The following CNTNAP2 variants were observed in gnomAD, a reference collection of about 807,000 sequenced individuals.
CNTNAP2 encodes the protein contactin associated protein 2.
In CNTNAP2, 98 loss-of-function variants were observed where a neutral mutation model predicts 155.2. The observed-to-expected ratio is 0.63, with a 90% confidence interval of 0.54 to 0.75. The LOEUF is 0.75. Ranked by LOEUF, CNTNAP2 falls within the 30% of genes least tolerant of loss-of-function variation. The pLI, the probability that CNTNAP2 is intolerant of heterozygous loss-of-function variation, is 0.00. For missense variants in CNTNAP2, 1,727 were observed against 1,688.1 expected (o/e 1.02, Z -0.40); for synonymous variants, 651 against 631.2 (o/e 1.03, Z -0.47).
chr7:146,457,250 C>T (rs1398990058), intron 1 of CNTNAP2, among the ~76,000 whole-genome samples: 1 of 151,496 alleles, frequency 6.6e-6, no homozygotes, highest in Non-Finnish European at 1.5e-5. Context: ...CTCAACACTT[C>T]TGTGATCTTT....
At chr7:148,245,411 G>A (rs1197468828) in intron 20 of CNTNAP2, among the ~76,000 whole-genome samples, 2 of 152,200 alleles carry the variant, frequency 1.3e-5, no homozygotes, top group African/African-American at 2.4e-5. Flanking sequence ...TCGCCTCCAG[G>A]AAATGTTAGA....
intron 9 of CNTNAP2, among the ~76,000 whole-genome samples, chr7:147,305,484 G>A (rs184833565): frequency 2.6e-5 from 4 of 152,242 alleles, no homozygotes; most frequent in African/African-American, 9.6e-5. Context: ...CAAAGAATAC[G>A]AACTTGCAGC....
At chr7:147,307,399 G>A (rs1263178286) in intron 9 of CNTNAP2, among the ~76,000 whole-genome samples, 4 of 151,600 alleles carry the variant, frequency 2.6e-5, no homozygotes, top group Non-Finnish European at 5.9e-5. Context: ...CCAATATGAT[G>A]AAACCCTATC....
chr7:147,628,425 C>A (rs1213217519), intron 12 of CNTNAP2, among the ~76,000 whole-genome samples: 3 of 152,044 alleles, frequency 2.0e-5, no homozygotes, highest in Non-Finnish European at 4.4e-5. Flanking sequence ...TTCAGACAAA[C>A]AAATGCTGAG....
intron 1 of CNTNAP2, among the ~76,000 whole-genome samples, chr7:146,545,804 T>C: frequency 6.6e-6 from 1 of 151,894 alleles, no homozygotes; most frequent in Non-Finnish European, 1.5e-5. Flanking sequence ...AGAAATACCA[T>C]TTGACCCAGC....
chr7:147,268,680 T>C (rs1028016404), intron 8 of CNTNAP2, among the ~76,000 whole-genome samples: 1 of 151,924 alleles, frequency 6.6e-6, no homozygotes, highest in Non-Finnish European at 1.5e-5. Flanking sequence ...AAAAAAATAA[T>C]GGAGATAGCA....
intron 15 of CNTNAP2, among the ~76,000 whole-genome samples, chr7:148,116,959 C>T (rs888807793): frequency 6.6e-6 from 1 of 152,028 alleles, no homozygotes; most frequent in East Asian, 1.9e-4. Flanking sequence ...TAAATCACAC[C>T]CATATATTTT....
chr7:148,060,093 T>C (rs1339901046), intron 15 of CNTNAP2, among the ~76,000 whole-genome samples: 2 of 152,160 alleles, frequency 1.3e-5, no homozygotes. Context: ...ATTTTGACTA[T>C]TTCAACAAAG....
intron 13 of CNTNAP2, among the ~76,000 whole-genome samples, chr7:147,857,446 T>C (rs888824775): frequency 6.6e-6 from 1 of 152,180 alleles, no homozygotes; most frequent in South Asian, 2.1e-4. Flanking sequence ...TTGAAAAAAA[T>C]TTGCACTTCT....
At chr7:148,263,916 G>C (rs916368594) in intron 20 of CNTNAP2, among the ~76,000 whole-genome samples, 1 of 152,076 alleles carries the variant, frequency 6.6e-6, no homozygotes, top group African/African-American at 2.4e-5. Context: ...AAAAGCCAAG[G>C]CCGTCTAGTC....
chr7:146,919,544 CG>C (rs1796457731), intron 3 of CNTNAP2, among the ~76,000 whole-genome samples: 1 of 152,150 alleles, frequency 6.6e-6, no homozygotes, highest in Admixed American at 6.5e-5. Context: ...GATCCATCTT[CG>C]GGTCTTTCAG....
Position 148,077,686 on chromosome 7 carries a change from A to G in CNTNAP2, c.2384-40432A>G, listed in dbSNP as rs1162587739. 2.0e-5 allele frequency among the ~76,000 whole-genome samples: 3 copies of G among 152,232 alleles called. No individual in the cohort carries two copies. The East Asian group carries it at 5.8e-4, about 29-fold the overall frequency. On this transcript the variant is annotated intron_variant, in intron 15 of 23. Coordinates refer to ENST00000361727, the MANE Select transcript of CNTNAP2 (RefSeq NM_014141.6). ...GACTAAATGGAGGCAGTACAATTAC[A>G]CATTTTGACTGAATTGTCTCATCAG...
At chr7:148,390,103 A>G (rs973275526) in intron 22 of CNTNAP2, among the ~76,000 whole-genome samples, 1 of 152,208 alleles carries the variant, frequency 6.6e-6, no homozygotes, top group Non-Finnish European at 1.5e-5. Context: ...ATACTGCCCA[A>G]AACATGGTTT....
chr7:147,061,079 T>C (rs375794333), intron 4 of CNTNAP2, among the ~76,000 whole-genome samples: 44 of 136,460 alleles, frequency 3.2e-4, no homozygotes, highest in East Asian at 3.1e-3. Context: ...AATAGTCACA[T>C]TGATAGAATC....
At chr7:147,766,149 G>T (rs1474833551) in intron 13 of CNTNAP2, among the ~76,000 whole-genome samples, 1 of 152,074 alleles carries the variant, frequency 6.6e-6, no homozygotes, top group Non-Finnish European at 1.5e-5. Context: ...TTGAGGAGGT[G>T]ACACAGATGT....
intron 1 of CNTNAP2, among the ~76,000 whole-genome samples, chr7:146,648,881 C>G (rs1363211884): frequency 6.6e-6 from 1 of 151,978 alleles, no homozygotes; most frequent in Non-Finnish European, 1.5e-5. Context: ...AGAGAAGTGG[C>G]TGATTACCAT....
chr7:148,127,549 G>C (rs565108826), intron 16 of CNTNAP2, among the ~76,000 whole-genome samples: 1 of 152,246 alleles, frequency 6.6e-6, no homozygotes, highest in South Asian at 2.1e-4. Context: ...CTAATCTTAG[G>C]AAATAATATG....
chr7:148,166,705 A>T (rs907559515), intron 17 of CNTNAP2, among the ~76,000 whole-genome samples: 2 of 152,218 alleles, frequency 1.3e-5, no homozygotes, highest in African/African-American at 4.8e-5. Flanking sequence ...ACCTTGGATA[A>T]TTATCACAGG....
Position 147,764,125 on chromosome 7 carries a change from G to A in CNTNAP2, c.2098+124819G>A, listed in dbSNP as rs190073365. Among the ~76,000 whole-genome samples, 1,074 of 151,958 alleles carry A rather than the reference G, an allele frequency of 7.1e-3. 15 individuals are homozygous for A. The highest frequency in any genetic ancestry group is 9.4e-3 in the Non-Finnish European group (636 of 67,906). Reference sequence around the variant, plus strand: ...TCTCTATCTCGTGTATTCCAACCCTGTTTGCTATGGGTTATTTTCTTAGGT... The same window carrying A: ...TCTCTATCTCGTGTATTCCAACCCTATTTGCTATGGGTTATTTTCTTAGGT... On this transcript the variant is annotated intron_variant, in intron 13 of 23. Transcript: ENST00000361727.
Sources: gnomAD v4.1 joint callset for allele counts (sites outside exome capture counted in the v4.1 genomes callset) on GRCh38, gnomAD v4.1.1 for gene constraint, MANE v1.5 for transcripts, NCBI Gene and HGNC (gene_info 2026-07-23, HGNC 2026-07-21) for gene names.